Variants in SH2B1 observed in about 807,000 individuals in gnomAD.
SH2B1 encodes SH2B adaptor protein 1.
A neutral mutation model predicts 62.6 loss-of-function variants in SH2B1; 15 were observed. That is an observed-to-expected ratio of 0.24 (90% confidence interval 0.16 to 0.37). The LOEUF is 0.37. Ranked by LOEUF, SH2B1 falls within the 10% of genes least tolerant of loss-of-function variation. The pLI is 1.00. For synonymous variants in SH2B1, 443 were observed against 438.0 expected (o/e 1.01, Z -0.14); for missense variants, 925 against 1,015.6 (o/e 0.91, Z 1.21).
chr16:28,850,299 T>G (rs1467218483), intron 1 of SH2B1, among the ~76,000 whole-genome samples: 2 of 152,172 alleles, frequency 1.3e-5, no homozygotes, highest in African/African-American at 4.8e-5. Flanking sequence ...ACTCGTCTGT[T>G]ATAGCTACTG....
chr16:28,847,128 C>T (rs1039636634), intron 1 of SH2B1, among the ~76,000 whole-genome samples: 1 of 152,220 alleles, frequency 6.6e-6, no homozygotes, highest in African/African-American at 2.4e-5. Flanking sequence ...TTCCGTTGGG[C>T]ATCGCCCCAC....
Position 28,865,479 on chromosome 16 carries a change from G to GA in SH2B1, c.-615dup, listed in dbSNP as rs1962634917. The GA allele has an allele frequency of 1.0e-6, 1 of 985,522 alleles. No individual in the cohort carries two copies. The highest frequency in any genetic ancestry group is 6.1e-5 in the Admixed American group (1 of 16,276). The allele number at this position is 985,522 out of a possible 1,614,324, so 61.0% of individuals were successfully genotyped here. ...CTAGCCCCCTGCGAGCTGGGGCGGTGAGGTGCTATGGCTGAGGCTGGCCCA... is the reference window on the plus strand; with the variant it reads ...CTAGCCCCCTGCGAGCTGGGGCGGTGAAGGTGCTATGGCTGAGGCTGGCCCA... On this transcript the variant is annotated 5_prime_UTR_variant, in exon 1 of 8. Transcript: ENST00000684370.
chr16:28,855,628 C>CTTAT (rs113107402), intron 1 of SH2B1, among the ~76,000 whole-genome samples: 64,439 of 138,106 alleles, frequency 0.47, 14,803 homozygotes, highest in South Asian at 0.65. Context: ...GCACTAAGAA[C>CTTAT]TTATTTATTT....
chr16:28,853,218 T>C lies in SH2B1; in HGVS notation c.-301+6391T>C, dbSNP rs868131552. 5.8e-4 allele frequency among the ~76,000 whole-genome samples: 70 copies of C among 119,666 alleles called. 1 individual carries two copies. The highest frequency in any genetic ancestry group is 7.2e-4 in the African/African-American group (24 of 33,512). The allele number at this position is 119,666 out of a possible 152,430, so 78.5% of individuals were successfully genotyped here. A position where few individuals can be genotyped will look rare whatever the true frequency, so the allele number is the denominator to read the frequency against. On this transcript the variant is annotated intron_variant, in intron 1 of 10. Transcript: ENST00000322610. ...TCTTGCTCATATATATATATAAAAA[T>C]GTATATATAAATATATATATATATA...
At chr16:28,854,069 T>C (rs950982847) in intron 1 of SH2B1, among the ~76,000 whole-genome samples, 6 of 134,192 alleles carry the variant, frequency 4.5e-5, no homozygotes, top group African/African-American at 1.2e-4. Flanking sequence ...GGTAGGAAGA[T>C]AGCTTGAGCC....
intron 1 of SH2B1, among the ~76,000 whole-genome samples, chr16:28,858,189 G>C (rs1018489977): frequency 2.0e-5 from 3 of 152,142 alleles, no homozygotes; most frequent in African/African-American, 7.2e-5. Context: ...AAGCTACTGA[G>C]GGCCTGCCAT....
chr16:28,865,601 G>C lies in SH2B1; in HGVS notation c.-494G>C. ...TTCGGTTTCCTCATCTGTTCGAGAG[G>C]TCTTTGAAACCTCTCAGGGAAAGGT... On this transcript the variant is annotated 5_prime_UTR_variant, in exon 1 of 8. Transcript: ENST00000684370. The C allele has an allele frequency of 2.0e-6, 2 of 986,538 alleles. No homozygotes were observed. The highest frequency in any genetic ancestry group is 2.4e-6 in the Non-Finnish European group (2 of 830,730). The allele number at this position is 986,538 out of a possible 1,614,324, so 61.1% of individuals were successfully genotyped here.
At chr16:28,848,772 A>G (rs1410634457) in intron 1 of SH2B1, among the ~76,000 whole-genome samples, 1 of 150,896 alleles carries the variant, frequency 6.6e-6, no homozygotes, top group African/African-American at 2.4e-5. Context: ...CCCAGGTTCA[A>G]GCGATTCTCC....
chr16:28,857,145 C>T lies in SH2B1; in HGVS notation c.-300-4473C>T, dbSNP rs151100682. On this transcript the variant is annotated intron_variant, in intron 1 of 10. Coordinates refer to the SH2B1 transcript ENST00000322610. ...TAAAAATACAAAAATTAGCTGGACG[C>T]GGTGATGCACACCTGTAATCCCAGC... 4.9e-3 allele frequency among the ~76,000 whole-genome samples: 748 copies of T among 151,906 alleles called. 6 individuals are homozygous for T. Among genetic ancestry groups the T allele is most frequent in the Non-Finnish European group, 8.4e-3 (573 of 67,934 alleles).
chr16:28,874,058 C>T lies in SH2B1; in HGVS notation c.*238C>T. ...CTCCTTGAGGGGCTCTTCTGGTCAG[C>T]CCCACCCTGGGGGCCATTTCCCCAT... is the stretch of plus-strand genomic sequence containing the variant. On this transcript the variant is annotated 3_prime_UTR_variant, in exon 8 of 8. Transcript: ENST00000684370. 2.5e-6 allele frequency: 1 copy of T among 394,176 alleles called. No individual in the cohort carries two copies. Among genetic ancestry groups the T allele is most frequent in the Non-Finnish European group, 4.4e-6 (1 of 225,540 alleles). 24.4% of individuals were successfully genotyped at this position (394,176 alleles called of 1,614,324 possible).
At chr16:28,857,277 T>C (rs1962339634) in intron 1 of SH2B1, among the ~76,000 whole-genome samples, 1 of 144,654 alleles carries the variant, frequency 6.9e-6, no homozygotes, top group Admixed American at 7.0e-5. Flanking sequence ...AGTGACTCTG[T>C]CTCAAAAAAA....
At chr16:28,855,614 C>A (rs926359105) in intron 1 of SH2B1, among the ~76,000 whole-genome samples, 8 of 146,532 alleles carry the variant, frequency 5.5e-5, no homozygotes, top group African/African-American at 2.1e-4. Context: ...CTCACCAGCT[C>A]GTGGCACTAA....
intron 1 of SH2B1, among the ~76,000 whole-genome samples, chr16:28,858,035 G>A (rs1017467786): frequency 2.7e-5 from 4 of 150,674 alleles, no homozygotes; most frequent in Non-Finnish European, 5.9e-5. Flanking sequence ...CACCGCGCCC[G>A]GCCAGAGTTC....
chr16:28,873,438 C>A lies in SH2B1; in HGVS notation c.1898-9C>A. On this transcript the variant is annotated splice_polypyrimidine_tract_variant and intron_variant, in intron 7 of 7. Transcript: ENST00000684370. This position sits in a 1 kb window ranked among gnomAD's most constrained non-coding sequence, Gnocchi z 4.2. ...ACAATCAGTCTGTTTTCTTACCATT[C>A]CTATCCAGAACCGACCACCTCCCAT... The A allele has an allele frequency of 6.4e-7, 1 of 1,573,632 alleles. No homozygotes were observed. Among genetic ancestry groups the A allele is most frequent in the Non-Finnish European group, 8.6e-7 (1 of 1,168,146 alleles).
At position 28,852,560 on chromosome 16, in the gene SH2B1, A is replaced by T. The variant is rs867586691; in HGVS notation, c.-301+5733A>T. On this transcript the variant is annotated intron_variant, in intron 1 of 10. Coordinates refer to the SH2B1 transcript ENST00000322610. The stretch of plus-strand genomic sequence containing the variant: ...TATATTTATATATATACACATATTT[A>T]TATATATACACATATATATTTATAT... Among the ~76,000 whole-genome samples the T allele has an allele frequency of 3.4e-4, 13 of 37,928 alleles. 4 individuals carry two copies. The highest frequency in any genetic ancestry group is 4.5e-4 in the African/African-American group (2 of 4,424). 24.9% of individuals were successfully genotyped at this position (37,928 alleles called of 152,430 possible).
Position 28,873,563 on chromosome 16 carries a change from G to A in SH2B1, c.2014G>A (p.Ala672Thr), listed in dbSNP as rs753346830. The change falls in exon 8 of 8, where the codon GCA (alanine) becomes ACA (threonine). Residue 672 changes from alanine (A) to threonine (T), a missense_variant. By Grantham distance (58) the Ala-to-Thr change is moderately conservative. Coordinates refer to ENST00000684370, the MANE Select transcript of SH2B1 (RefSeq NM_001387430.1). This position sits in a 1 kb window ranked among gnomAD's most constrained non-coding sequence, Gnocchi z 4.2. ...GCCAGAAGTGGCGGCAGCAGCAGCC[G>A]CAGCAGCCAAAGAGAGGCAAGAGAA... is the stretch of plus-strand genomic sequence containing the variant. ...RAPEVAAAAA[A>T]AAKERQEKEK... 10 of 1,596,730 alleles carry A rather than the reference G, an allele frequency of 6.3e-6. No individual in the cohort carries two copies. In the East Asian group the frequency reaches 2.1e-4, roughly 33 times the overall value.
Position 28,867,343 on chromosome 16 carries a change from C to G in SH2B1, c.952C>G (p.Arg318Gly). Reference protein sequence around the residue: ...FFVPPKASRPRLSIPCSSITD... With the variant: ...FFVPPKASRPGLSIPCSSITD... Reference sequence around the variant, plus strand: ...TCTCCTGACTTAGGCCTCTCGGCCCCGACTCAGCATCCCCTGCTCTTCTAT... The same window carrying G: ...TCTCCTGACTTAGGCCTCTCGGCCCGGACTCAGCATCCCCTGCTCTTCTAT... Residue 318 changes from arginine to glycine, a missense_variant, in exon 2 of 8, where the codon CGA becomes GGA. Arg to Gly is a moderately radical substitution (Grantham distance 125). Transcript: ENST00000684370. 1 of 1,613,992 alleles carries G rather than the reference C, an allele frequency of 6.2e-7. No individual in the cohort carries two copies. The highest frequency in any genetic ancestry group is 8.5e-7 in the Non-Finnish European group (1 of 1,179,894).
Position 28,873,856 on chromosome 16 carries a change from C to A in SH2B1, c.*36C>A. ...CCCGCTCCACCCTTTTTAAACCCCC[C>A]AGCCCTGCTCGTGAGATTGGGCTGG... On this transcript the variant is annotated 3_prime_UTR_variant, in exon 8 of 8. Transcript: ENST00000684370. The surrounding 1 kb of genome is among the most constrained non-coding windows in gnomAD (Gnocchi z 4.2). 1.4e-6 allele frequency: 2 copies of A among 1,401,208 alleles called. No homozygotes were observed. The highest frequency in any genetic ancestry group is 3.3e-5 in the Admixed American group (1 of 30,394). 86.8% of individuals were successfully genotyped at this position (1,401,208 alleles called of 1,614,324 possible).
chr16:28,873,294 C>T lies in SH2B1; in HGVS notation c.1898-153C>T. 6.3e-7 allele frequency: 1 copy of T among 1,599,848 alleles called. No individual in the cohort carries two copies. Among genetic ancestry groups the T allele is most frequent in the Non-Finnish European group, 8.5e-7 (1 of 1,172,712 alleles). On this transcript the variant is annotated intron_variant, in intron 7 of 7. Coordinates refer to ENST00000684370, the MANE Select transcript of SH2B1 (RefSeq NM_001387430.1). This position sits in a 1 kb window ranked among gnomAD's most constrained non-coding sequence, Gnocchi z 4.2. ...TGTAAGTGTGGTCCTCCTCTCACCA[C>T]CGCCCATGATCCATCTTCCATGGAT...
Sources: allele counts gnomAD v4.1 joint callset (sites outside exome capture counted in the v4.1 genomes callset), GRCh38; gene constraint gnomAD v4.1.1; non-coding constraint Gnocchi (gnomAD v3.1); transcripts MANE v1.5; gene names NCBI Gene and HGNC (gene_info 2026-07-23, HGNC 2026-07-21).